The following IREB2 variants were observed in gnomAD, a reference collection of about 807,000 sequenced individuals.
IREB2 encodes the protein iron-responsive element-binding protein 2.
A neutral mutation model predicts 118.8 loss-of-function variants in IREB2; 39 were observed. The ratio of observed to expected loss-of-function variants is 0.33; its 90% CI spans 0.25 to 0.43. IREB2 has a LOEUF of 0.43. Among genes scored for constraint, IREB2 ranks in the 20% least tolerant of loss-of-function variants. The probability of loss-of-function intolerance (pLI) is 1.00; values close to 1 mark genes in which losing one functional copy is unlikely to be tolerated. For missense variants in IREB2, 900 were observed against 1,147.3 expected (o/e 0.78, Z 3.11); for synonymous variants, 372 against 392.2 (o/e 0.95, Z 0.61).
chr15:78,466,093 C>CT (rs932301098), intron 4 of IREB2, among the ~76,000 whole-genome samples, 178 bp from the exon 5 acceptor site: 3 of 152,060 alleles, frequency 2.0e-5, no homozygotes, highest in Admixed American at 6.5e-5. Context: ...TGACCTGTTT[C>CT]TTTTTTTATA....
intron 2 of IREB2, among the ~76,000 whole-genome samples, chr15:78,443,188 A>G (rs1361569611): frequency 6.6e-6 from 1 of 152,266 alleles, no homozygotes; most frequent in African/African-American, 2.4e-5. Context: ...ATAATAAAAT[A>G]GAACAGTTAT....
chr15:78,464,937 T>A (rs2051256233), intron 3 of IREB2, among the ~76,000 whole-genome samples: 1 of 152,120 alleles, frequency 6.6e-6, no homozygotes. Flanking sequence ...GGGCTGGAAC[T>A]AGGGAAAGGG....
chr15:78,483,675 T>G (rs1273613609), intron 11 of IREB2, among the ~76,000 whole-genome samples: 1 of 152,220 alleles, frequency 6.6e-6, no homozygotes, highest in African/African-American at 2.4e-5. Context: ...TATATACAAT[T>G]TAAAATTGAG....
At chr15:78,473,216 T>C in intron 7 of IREB2, 26 bp from the exon 8 acceptor site, 3 of 1,605,788 alleles carry the variant, frequency 1.9e-6, no homozygotes, top group Non-Finnish European at 2.6e-6. Context: ...TATACTGTGC[T>C]AATATACCTG....
chr15:78,486,747 G>A (rs1232318644), intron 13 of IREB2, among the ~76,000 whole-genome samples: 1 of 151,934 alleles, frequency 6.6e-6, no homozygotes, highest in East Asian at 1.9e-4. Flanking sequence ...ACAGCTCATT[G>A]CAGCCTCGAC....
Position 78,459,866 on chromosome 15 carries a change from A to G in IREB2, c.107-3056A>G, listed in dbSNP as rs1356206996. 2.0e-5 allele frequency among the ~76,000 whole-genome samples: 3 copies of G among 152,018 alleles called. No homozygotes were observed. In the East Asian group the frequency reaches 5.8e-4, roughly 29 times the overall value. On this transcript the variant is annotated intron_variant, in intron 2 of 21. Coordinates refer to ENST00000258886, the MANE Select transcript of IREB2 (RefSeq NM_004136.4). Reference sequence around the variant, plus strand: ...AAAACCTAGGTTCTTTATCCTGTAGAATGTCCCACATTCTAGATTTGGCTG... The same window carrying G: ...AAAACCTAGGTTCTTTATCCTGTAGGATGTCCCACATTCTAGATTTGGCTG...
chr15:78,450,969 T>A (rs1178964541), intron 2 of IREB2, among the ~76,000 whole-genome samples: 3 of 152,042 alleles, frequency 2.0e-5, no homozygotes, highest in Non-Finnish European at 4.4e-5. Flanking sequence ...ATGAGCAGAC[T>A]GTAGAAGCTT....
intron 2 of IREB2, among the ~76,000 whole-genome samples, chr15:78,446,788 C>T (rs2050936303): frequency 1.3e-5 from 2 of 151,446 alleles, no homozygotes; most frequent in South Asian, 4.2e-4. Context: ...GCTGCTGTAG[C>T]CAAGGAGGCC....
intron 14 of IREB2, 45 bp from the exon 15 acceptor site, chr15:78,488,135 C>G (rs774665140): frequency 1.3e-6 from 2 of 1,556,206 alleles, no homozygotes; most frequent in Non-Finnish European, 1.7e-6. Context: ...TTTGTACCAT[C>G]TCTAGAATTG....
intron 5 of IREB2, 55 bp downstream of exon 5, chr15:78,466,544 A>T: frequency 8.2e-7 from 1 of 1,217,610 alleles, no homozygotes; most frequent in Non-Finnish European, 1.1e-6. Flanking sequence ...TCCAGTTAAG[A>T]AAATCAAATT....
chr15:78,465,478 G>A, intron 4 of IREB2, 90 bp downstream of exon 4: 4 of 1,229,648 alleles, frequency 3.3e-6, no homozygotes, highest in East Asian at 2.4e-5. Context: ...GATAATTTAT[G>A]GCAGAGAAAA....
intron 2 of IREB2, among the ~76,000 whole-genome samples, chr15:78,440,567 G>T (rs1018624132): frequency 3.9e-5 from 6 of 152,094 alleles, no homozygotes; most frequent in African/African-American, 1.4e-4. Context: ...GGGTCTTGCT[G>T]TGTTGCCCAG....
intron 2 of IREB2, among the ~76,000 whole-genome samples, chr15:78,450,823 T>TG (rs2051011665): frequency 5.1e-5 from 6 of 117,642 alleles, no homozygotes; most frequent in African/African-American, 1.0e-4. Context: ...TATTAACAAA[T>TG]TTGTGTGTGT....
Position 78,498,168 on chromosome 15 carries a change from C to T in IREB2, c.*25C>T, listed in dbSNP as rs375292578. 5 of 1,300,136 alleles carry T rather than the reference C, an allele frequency of 3.8e-6. No individual in the cohort carries two copies. In the Admixed American group the frequency reaches 5.1e-5, roughly 13 times the overall value. The allele number at this position is 1,300,136 out of a possible 1,614,324, so 80.5% of individuals were successfully genotyped here. A position where few individuals can be genotyped will look rare whatever the true frequency, so the allele number is the denominator to read the frequency against. On this transcript the variant is annotated 3_prime_UTR_variant, in exon 22 of 22. Transcript: ENST00000258886. ...GTATCTACTTACCATAGATACCTTT[C>T]ATAACTGGTAACTGCAAAGCCTTTT...
chr15:78,478,523 T>TA (rs1596006023), intron 10 of IREB2, 126 bp downstream of exon 10: 1 of 573,976 alleles, frequency 1.7e-6, no homozygotes, highest in East Asian at 3.0e-5. Flanking sequence ...GGCAATATGG[T>TA]AAAACCCTGT....
intron 2 of IREB2, among the ~76,000 whole-genome samples, chr15:78,450,138 A>T (rs2050998888): frequency 6.6e-6 from 1 of 152,220 alleles, no homozygotes. Context: ...TAGCAAATGA[A>T]AGATGGCTAA....
rs773260771 is a variant in IREB2, at chr15:78,488,672, T to A, written c.1977T>A (p.Ile659=). Residue 659 remains isoleucine (I), a synonymous_variant, in exon 16 of 22, where the codon ATT becomes ATA. Coordinates refer to ENST00000258886, the MANE Select transcript of IREB2 (RefSeq NM_004136.4). ...GTACTGACCCCACCGGCAAGAACAT[T>A]TACCTGCATGATATTTGGCCTAGTC... ...PLGTDPTGKN[I]YLHDIWPSRE... 3 of 1,612,692 alleles carry A rather than the reference T, an allele frequency of 1.9e-6. No individual in the cohort carries two copies. The highest frequency in any genetic ancestry group is 1.1e-5 in the South Asian group (1 of 90,780).
rs2938672 is a variant in IREB2 at position 78,466,511 on chromosome 15, A to C, written c.629+22A>C. On this transcript the variant is annotated intron_variant, in intron 5 of 21. Coordinates refer to ENST00000258886, the MANE Select transcript of IREB2 (RefSeq NM_004136.4). ...CTGAGTATGAGATTGTTTTTCTTAA[A>C]GTTTATTAATACCAGGTTATTTTCC... 0.99 allele frequency: 1,531,261 copies of C among 1,540,978 alleles called. 761,246 individuals are homozygous for C. The highest frequency in any genetic ancestry group is 1 in the East Asian group (44,500 of 44,500).
chr15:78,444,178 C>T (rs565991322), intron 2 of IREB2, among the ~76,000 whole-genome samples: 2 of 152,182 alleles, frequency 1.3e-5, no homozygotes, highest in East Asian at 3.9e-4. Context: ...CCACCTCACC[C>T]TCTCAAGTAG....
Sources: gnomAD v4.1 joint callset for allele counts (sites outside exome capture counted in the v4.1 genomes callset) on GRCh38, gnomAD v4.1.1 for gene constraint, MANE v1.5 for transcripts, NCBI Gene and HGNC (gene_info 2026-07-23, HGNC 2026-07-21) for gene names.